Variants in TGFBR2 observed in about 807,000 individuals in gnomAD.
The protein encoded by TGFBR2 is transforming growth factor beta receptor 2.
A neutral mutation model predicts 49.0 loss-of-function variants in TGFBR2; 18 were observed. The ratio of observed to expected loss-of-function variants is 0.37; its 90% CI spans 0.25 to 0.54. TGFBR2 has a LOEUF of 0.54. Among genes scored for constraint, TGFBR2 ranks in the 20% least tolerant of loss-of-function variants. The probability of loss-of-function intolerance (pLI) is 0.85; values close to 1 mark genes in which losing one functional copy is unlikely to be tolerated. For missense variants in TGFBR2, 525 were observed against 722.6 expected (o/e 0.73, Z 3.13); for synonymous variants, 282 against 275.9 (o/e 1.02, Z -0.22).
At chr3:30,635,060 A>G (rs1039863764) in intron 1 of TGFBR2, among the ~76,000 whole-genome samples, 4 of 152,196 alleles carry the variant, frequency 2.6e-5, no homozygotes, top group Non-Finnish European at 5.9e-5. Context: ...AAACTTAAGA[A>G]TTTCATGTAT....
rs554757763 is a variant in TGFBR2 at position 30,633,428 on chromosome 3, T to C, written c.95-11319T>C. Among the ~76,000 whole-genome samples, 9 of 152,360 alleles carry C rather than the reference T, an allele frequency of 5.9e-5. No individual in the cohort carries two copies. The South Asian group carries it at 1.7e-3, about 28-fold the overall frequency. On this transcript the variant is annotated intron_variant, in intron 1 of 6. Transcript: ENST00000295754. ...AATGTGATTATACACATTAGAGAATTACATGCATGTTAAAAATATTCATAT... is the reference window on the plus strand; with the variant it reads ...AATGTGATTATACACATTAGAGAATCACATGCATGTTAAAAATATTCATAT...
chr3:30,650,265 T>C lies in TGFBR2; in HGVS notation c.264-5T>C. The C allele has an allele frequency of 2.5e-6, 4 of 1,613,772 alleles. No homozygotes were observed. The highest frequency in any genetic ancestry group is 3.4e-6 in the Non-Finnish European group (4 of 1,179,772). ...CCTCGCTTCCAATGAATCTCTTCAC[T>C]CTAGGAGAAAGAATGACGAGAACAT... is the stretch of plus-strand genomic sequence containing the variant. On this transcript the variant is annotated splice_polypyrimidine_tract_variant and splice_region_variant and intron_variant, in intron 2 of 6. Coordinates refer to ENST00000295754, the MANE Select transcript of TGFBR2 (RefSeq NM_003242.6).
intron 6 of TGFBR2, 118 bp downstream of exon 6, chr3:30,688,629 C>T (rs924291834): frequency 8.5e-5 from 121 of 1,426,692 alleles, no homozygotes; most frequent in Middle Eastern, 3.5e-4. Context: ...GTTCTATGGC[C>T]CTGTTAAATT....
intron 1 of TGFBR2, among the ~76,000 whole-genome samples, chr3:30,638,766 C>T (rs1698589243): frequency 6.6e-6 from 1 of 152,052 alleles, no homozygotes; most frequent in Non-Finnish European, 1.5e-5. Flanking sequence ...AAGAATTATA[C>T]AGGGAATCCT....
chr3:30,635,583 GT>G (rs1226871618), intron 1 of TGFBR2, among the ~76,000 whole-genome samples: 1 of 152,104 alleles, frequency 6.6e-6, no homozygotes, highest in Non-Finnish European at 1.5e-5. Context: ...GCTACAGCTT[GT>G]TTCATTCCGT....
chr3:30,690,769 G>A (rs534159540), intron 6 of TGFBR2, among the ~76,000 whole-genome samples: 1 of 152,244 alleles, frequency 6.6e-6, no homozygotes, highest in East Asian at 1.9e-4. Flanking sequence ...GGAATTTGAG[G>A]GGCAGAGAAA....
intron 1 of TGFBR2, among the ~76,000 whole-genome samples, chr3:30,633,625 A>G (rs1312733365): frequency 6.6e-6 from 1 of 152,152 alleles, no homozygotes; most frequent in Non-Finnish European, 1.5e-5. Flanking sequence ...ATTTGAGGAC[A>G]CAGAGACTTT....
Position 30,671,829 on chromosome 3 carries a change from T to A in TGFBR2, c.646T>A (p.Cys216Ser). Residue 216 changes from cysteine (C) to serine (S), a missense_variant, in exon 4 of 7, where the codon TGT becomes AGT. Coordinates refer to ENST00000295754, the MANE Select transcript of TGFBR2 (RefSeq NM_003242.6). ...GAAGCTCATGGAGTTCAGCGAGCACTGTGCCATCATCCTGGAAGATGACCG... is the reference window on the plus strand; with the variant it reads ...GAAGCTCATGGAGTTCAGCGAGCACAGTGCCATCATCCTGGAAGATGACCG... ...TRKLMEFSEH[C>S]AIILEDDRSD... The A allele has an allele frequency of 6.2e-7, 1 of 1,614,220 alleles. No individual in the cohort carries two copies. Among genetic ancestry groups the A allele is most frequent in the Non-Finnish European group, 8.5e-7 (1 of 1,180,036 alleles).
chr3:30,642,961 G>A (rs1462954607), intron 1 of TGFBR2, among the ~76,000 whole-genome samples: 1 of 152,286 alleles, frequency 6.6e-6, no homozygotes, highest in East Asian at 1.9e-4. Flanking sequence ...TGAACTTGAG[G>A]CCCGAGAGGG....
At chr3:30,631,621 C>CTTTTTTTTTTTTTTTTTT (rs71093918) in intron 1 of TGFBR2, among the ~76,000 whole-genome samples, 1 of 115,382 alleles carries the variant, frequency 8.7e-6, no homozygotes, top group Non-Finnish European at 1.8e-5. Flanking sequence ...CAACTTCTTT[C>CTTTTTTTTTTTTTTTTTT]TTTTTTTTTT....
In TGFBR2 at chr3:30,677,405, G is replaced by A. The variant is rs188111675; in HGVS notation, c.1396+3159G>A. 4.1e-4 allele frequency among the ~76,000 whole-genome samples: 63 copies of A among 152,240 alleles called. 2 individuals carry two copies. Among genetic ancestry groups the A allele is most frequent in the Admixed American group, 2.7e-3 (41 of 15,296 alleles). ...AAGAGGCCATCCCAGTTCTCATTTC[G>A]TTTGATCTTAAGCCCACAGTCCTAT... On this transcript the variant is annotated intron_variant, in intron 5 of 6. Transcript: ENST00000295754.
intron 1 of TGFBR2, among the ~76,000 whole-genome samples, chr3:30,616,680 A>C (rs1379443461): frequency 1.3e-5 from 2 of 152,192 alleles, no homozygotes; most frequent in Non-Finnish European, 2.9e-5. Flanking sequence ...GAGTTAGAAA[A>C]TCTTTAGCTA....
At chr3:30,677,530 A>G (rs902633624) in intron 5 of TGFBR2, among the ~76,000 whole-genome samples, 2 of 152,236 alleles carry the variant, frequency 1.3e-5, no homozygotes, top group Admixed American at 6.5e-5. Flanking sequence ...GTGTGAACTC[A>G]CGTAGTAAGC....
At chr3:30,606,583 G>A, upstream of TGFBR2, 1 of 326,344 alleles carries the variant, frequency 3.1e-6, no homozygotes, top group Non-Finnish European at 5.6e-6. Context: ...GCAGCGCTGA[G>A]TTGAAGTTGA....
intron 1 of TGFBR2, among the ~76,000 whole-genome samples, chr3:30,625,174 A>G (rs549651902): frequency 3.7e-4 from 56 of 152,360 alleles, no homozygotes; most frequent in African/African-American, 1.3e-3. Flanking sequence ...CATATTAAAA[A>G]TAGTGTTTCT....
intron 1 of TGFBR2, among the ~76,000 whole-genome samples, chr3:30,617,070 C>A (rs1698146328): frequency 7.2e-6 from 1 of 138,002 alleles, no homozygotes; most frequent in Admixed American, 7.3e-5. Context: ...AAGGAACTTT[C>A]ATATTTTTTG....
At chr3:30,649,417 C>T (rs1490117112) in intron 2 of TGFBR2, among the ~76,000 whole-genome samples, 1 of 152,108 alleles carries the variant, frequency 6.6e-6, no homozygotes, top group Non-Finnish European at 1.5e-5. Context: ...CACTGACGGC[C>T]AATTGAGCAT....
At chr3:30,674,446 A>T (rs1699397444) in intron 5 of TGFBR2, among the ~76,000 whole-genome samples, 200 bp downstream of exon 5, 1 of 152,246 alleles carries the variant, frequency 6.6e-6, no homozygotes, top group Admixed American at 6.5e-5. Context: ...TTTGGAGCAT[A>T]AAGCTTTGTA....
At chr3:30,644,211 C>G (rs1698690090) in intron 1 of TGFBR2, among the ~76,000 whole-genome samples, 2 of 152,110 alleles carry the variant, frequency 1.3e-5, no homozygotes, top group Non-Finnish European at 2.9e-5. Context: ...AATCTTGTGC[C>G]TCCAGCAACG....
Sources: gnomAD v4.1 joint callset for allele counts (sites outside exome capture counted in the v4.1 genomes callset) on GRCh38, gnomAD v4.1.1 for gene constraint, MANE v1.5 for transcripts, NCBI Gene and HGNC (gene_info 2026-07-23, HGNC 2026-07-21) for gene names.